GNPAT: variants seen among roughly 807,000 people sequenced by gnomAD.
GNPAT encodes dihydroxyacetone phosphate acyltransferase.
Under a neutral mutation model 78.4 loss-of-function variants are expected in GNPAT, and 30 were observed. The observed-to-expected ratio is 0.38, with a 90% confidence interval of 0.29 to 0.52. The LOEUF (loss-of-function observed/expected upper bound fraction) is 0.52. GNPAT is among the 20% of genes least tolerant of loss of function. The pLI, the probability that GNPAT is intolerant of heterozygous loss-of-function variation, is 0.84. For missense variants in GNPAT, 714 were observed against 812.2 expected (o/e 0.88, Z 1.47); for synonymous variants, 271 against 281.1 (o/e 0.96, Z 0.36).
At chr1:231,248,083 C>T (rs555997960) in intron 1 of GNPAT, among the ~76,000 whole-genome samples, 3 of 152,320 alleles carry the variant, frequency 2.0e-5, no homozygotes, top group African/African-American at 4.8e-5. Flanking sequence ...CTTTGAACAA[C>T]GTGGGAGTTG....
intron 2 of GNPAT, among the ~76,000 whole-genome samples, chr1:231,259,663 AG>A (rs1685167033): frequency 6.6e-6 from 1 of 151,154 alleles, no homozygotes; most frequent in South Asian, 2.1e-4. Context: ...AAAAAAAAAA[AG>A]GTTAATTTTA....
intron 4 of GNPAT, among the ~76,000 whole-genome samples, chr1:231,265,035 C>T (rs1222911058): frequency 6.6e-6 from 1 of 152,140 alleles, no homozygotes; most frequent in Non-Finnish European, 1.5e-5. Context: ...GGGTGTCTTA[C>T]ATTTATGAAA....
chr1:231,274,154 G>T (rs914899706), intron 12 of GNPAT, 92 bp downstream of exon 12: 12 of 1,119,280 alleles, frequency 1.1e-5, no homozygotes, highest in Non-Finnish European at 1.6e-5. Context: ...CTGAAGGGCA[G>T]GTATCTTCCC....
chr1:231,275,675 T>C (rs762509011), intron 14 of GNPAT, among the ~76,000 whole-genome samples, 177 bp downstream of exon 14: 25 of 152,326 alleles, frequency 1.6e-4, no homozygotes, highest in Admixed American at 6.5e-4. Context: ...TGTATGTGGT[T>C]ATGAATAGAA....
At chr1:231,259,189 A>C (rs1005597728) in intron 2 of GNPAT, among the ~76,000 whole-genome samples, 6 of 149,864 alleles carry the variant, frequency 4.0e-5, no homozygotes, top group African/African-American at 1.5e-4. Flanking sequence ...TCACTGTTTC[A>C]GGTAACCTGA....
intron 1 of GNPAT, among the ~76,000 whole-genome samples, chr1:231,246,632 A>C (rs1440857880): frequency 1.3e-5 from 2 of 152,246 alleles, no homozygotes; most frequent in Non-Finnish European, 2.9e-5. Context: ...GTAGCCATGT[A>C]AATTTACTTA....
At chr1:231,241,623 C>T (rs1352288313) in intron 1 of GNPAT, among the ~76,000 whole-genome samples, 167 bp downstream of exon 1, 1 of 152,226 alleles carries the variant, frequency 6.6e-6, no homozygotes, top group African/African-American at 2.4e-5. Flanking sequence ...CAGTGTATCG[C>T]TGTGTGTCTG....
chr1:231,269,095 T>C (rs1295721776), intron 9 of GNPAT, among the ~76,000 whole-genome samples: 1 of 139,168 alleles, frequency 7.2e-6, no homozygotes, highest in East Asian at 2.3e-4. Context: ...TCCCCTGGGT[T>C]GCAGAGGGCA....
At chr1:231,254,266 T>C (rs1684980654) in intron 2 of GNPAT, among the ~76,000 whole-genome samples, 2 of 152,222 alleles carry the variant, frequency 1.3e-5, no homozygotes, top group African/African-American at 4.8e-5. Flanking sequence ...ATCGTACAAA[T>C]TCATAATTAG....
intron 3 of GNPAT, among the ~76,000 whole-genome samples, chr1:231,261,160 C>T (rs1685212414): frequency 6.6e-6 from 1 of 152,140 alleles, no homozygotes; most frequent in Non-Finnish European, 1.5e-5. Flanking sequence ...ACTGACCTGA[C>T]TCATATTTCA....
chr1:231,247,291 T>C (rs971817838), intron 1 of GNPAT, among the ~76,000 whole-genome samples: 2 of 152,208 alleles, frequency 1.3e-5, no homozygotes, highest in Admixed American at 1.3e-4. Flanking sequence ...CTGTAATTTA[T>C]TTTTTCATTC....
intron 2 of GNPAT, among the ~76,000 whole-genome samples, chr1:231,256,595 T>A (rs1685071563): frequency 2.0e-5 from 3 of 147,464 alleles, no homozygotes; most frequent in African/African-American, 7.5e-5. Flanking sequence ...TGCACCATTC[T>A]CCTGCCTCAG....
rs569817918 is a variant in GNPAT at position 231,252,788 on chromosome 1, G to A, written c.261+1645G>A. Among the ~76,000 whole-genome samples, 16 of 151,980 alleles carry A rather than the reference G, an allele frequency of 1.1e-4. No homozygotes were observed. In the East Asian group the frequency reaches 3.1e-3, roughly 29 times the overall value. The stretch of plus-strand genomic sequence containing the variant: ...ACTAGTGTGTTTTTGTAAGGAGAGT[G>A]AACTCATTCAGAATTGCAGTATTCT... On this transcript the variant is annotated intron_variant, in intron 2 of 15. Transcript: ENST00000366647.
intron 12 of GNPAT, 138 bp downstream of exon 12, chr1:231,274,200 C>G (rs41271507): frequency 4.9e-6 from 4 of 811,514 alleles, no homozygotes; most frequent in East Asian, 2.5e-5. Flanking sequence ...GTGACTAATA[C>G]GATCAGTGAT....
chr1:231,266,274 T>C lies in GNPAT; in HGVS notation c.925-3T>C, dbSNP rs1331421925. ...TCTTCCCCCCCTGTTATGGTACTAT[T>C]AGGGGTTGCTGAAAGCCAGAAAGAT... On this transcript the variant is annotated splice_region_variant and splice_polypyrimidine_tract_variant and intron_variant, in intron 7 of 15. Transcript: ENST00000366647. The C allele has an allele frequency of 6.2e-7, 1 of 1,614,072 alleles. No homozygotes were observed. The highest frequency in any genetic ancestry group is 8.5e-7 in the Non-Finnish European group (1 of 1,179,934).
At chr1:231,272,245 A>C in intron 10 of GNPAT, 67 bp from the exon 11 acceptor site, 1 of 805,822 alleles carries the variant, frequency 1.2e-6, no homozygotes, top group Admixed American at 1.7e-5. Flanking sequence ...GATAGTAAGG[A>C]CTTCCTGGTA....
chr1:231,245,798 C>T (rs887198630), intron 1 of GNPAT, among the ~76,000 whole-genome samples: 3 of 152,082 alleles, frequency 2.0e-5, no homozygotes, highest in South Asian at 2.1e-4. Flanking sequence ...CGAGAAACCC[C>T]GTCTCTACTA....
chr1:231,275,680 AT>A (rs1420295556), intron 14 of GNPAT, among the ~76,000 whole-genome samples, 182 bp downstream of exon 14: 2 of 152,220 alleles, frequency 1.3e-5, no homozygotes, highest in African/African-American at 4.8e-5. Flanking sequence ...GTGGTTATGA[AT>A]AGAAATGCAA....
chr1:231,255,857 C>T (rs868071595), intron 2 of GNPAT, among the ~76,000 whole-genome samples: 4 of 152,212 alleles, frequency 2.6e-5, no homozygotes, highest in South Asian at 2.1e-4. Flanking sequence ...TAAATGACTT[C>T]CTTATGGGTA....
Sources: allele counts gnomAD v4.1 joint callset (sites outside exome capture counted in the v4.1 genomes callset), GRCh38; gene constraint gnomAD v4.1.1; transcripts MANE v1.5; gene names NCBI Gene and HGNC (gene_info 2026-07-23, HGNC 2026-07-21).